SIPA1L3: variants seen among roughly 807,000 people sequenced by gnomAD.
SIPA1L3 encodes the protein signal induced proliferation associated 1 like 3, also known as signal-induced proliferation-associated 1-like protein 3.
In SIPA1L3, 59 loss-of-function variants were observed where a neutral mutation model predicts 150.1. That is an observed-to-expected ratio of 0.39 (90% CI 0.32 to 0.49). The LOEUF is 0.49. Ranked by LOEUF, SIPA1L3 falls within the 20% of genes least tolerant of loss-of-function variation. The probability of loss-of-function intolerance (pLI) is 0.86; values close to 1 mark genes in which losing one functional copy is unlikely to be tolerated. For missense variants in SIPA1L3, 2,211 were observed against 2,489.5 expected, an observed-to-expected ratio of 0.89 and a Z score of 2.38; for synonymous variants, 1,070 against 1,077.6, an observed-to-expected ratio of 0.99 and a Z score of 0.14.
At chr19:37,991,222 A>G (rs1568491846) in intron 1 of SIPA1L3, among the ~76,000 whole-genome samples, 1 of 152,116 alleles carries the variant, frequency 6.6e-6, no homozygotes, top group Non-Finnish European at 1.5e-5. Context: ...ACAGAGCAAG[A>G]CTCTGTCTCA....
Position 37,953,418 on chromosome 19 carries a change from A to C in SIPA1L3, c.-379+46060A>C, listed in dbSNP as rs573002976. Among the ~76,000 whole-genome samples the C allele has an allele frequency of 2.0e-4, 31 of 152,306 alleles. No homozygotes were observed. The East Asian group carries it at 4.6e-3, about 23-fold the overall frequency. On this transcript the variant is annotated intron_variant, in intron 1 of 21. Transcript: ENST00000222345. The stretch of plus-strand genomic sequence containing the variant: ...CTTTGGAAAGAGCTGGATAGAGTTC[A>C]TGACCAATTCGGAACAAAGTCTGCT...
At chr19:37,917,240 T>C (rs1036551263) in intron 1 of SIPA1L3, among the ~76,000 whole-genome samples, 1 of 152,298 alleles carries the variant, frequency 6.6e-6, no homozygotes, top group African/African-American at 2.4e-5. Context: ...TGGCTACATG[T>C]GGCTAATGGC....
At chr19:38,160,829 G>A (rs1972066943) in intron 13 of SIPA1L3, among the ~76,000 whole-genome samples, 1 of 152,230 alleles carries the variant, frequency 6.6e-6, no homozygotes, top group South Asian at 2.1e-4. Flanking sequence ...GAAGGCCACT[G>A]TAGAGGGAAG....
intron 3 of SIPA1L3, among the ~76,000 whole-genome samples, chr19:38,086,613 G>T (rs1057283713): frequency 2.0e-5 from 3 of 152,144 alleles, no homozygotes; most frequent in Admixed American, 1.3e-4. Context: ...AGCCCTAGAG[G>T]CAGAGGTTGC....
chr19:38,109,650 C>T (rs1267062119), intron 7 of SIPA1L3: 2 of 153,210 alleles, frequency 1.3e-5, no homozygotes, highest in Non-Finnish European at 2.9e-5. Context: ...CCTGTGCTCT[C>T]TGGATCTTAC....
chr19:37,963,134 C>G lies in SIPA1L3; in HGVS notation c.-379+55776C>G, dbSNP rs141079600. Among the ~76,000 whole-genome samples, 15 of 152,234 alleles carry G rather than the reference C, an allele frequency of 9.9e-5. No homozygotes were observed. The East Asian group carries it at 2.9e-3, about 29-fold the overall frequency. On this transcript the variant is annotated intron_variant, in intron 1 of 21. Coordinates refer to ENST00000222345, the MANE Select transcript of SIPA1L3 (RefSeq NM_015073.3). ...GTGTCTGTGGGTTGGGGAATATTTTCAAAGTTCAGTTTCTTCCTTTTTTTT... is the reference window on the plus strand; with the variant it reads ...GTGTCTGTGGGTTGGGGAATATTTTGAAAGTTCAGTTTCTTCCTTTTTTTT...
chr19:37,952,550 G>A (rs1390392923), intron 1 of SIPA1L3, among the ~76,000 whole-genome samples: 1 of 152,116 alleles, frequency 6.6e-6, no homozygotes, highest in Non-Finnish European at 1.5e-5. Flanking sequence ...GCAGGCACCT[G>A]TAATCCCAGC....
At chr19:37,919,235 T>G (rs1353169937) in intron 1 of SIPA1L3, among the ~76,000 whole-genome samples, 1 of 152,216 alleles carries the variant, frequency 6.6e-6, no homozygotes, top group Admixed American at 6.5e-5. Flanking sequence ...TGTCCCCAGA[T>G]GGTGCTCACC....
rs1973261087 is a variant in SIPA1L3 at position 38,207,975 on chromosome 19, T to G, written c.*1735T>G. On this transcript the variant is annotated 3_prime_UTR_variant, in exon 22 of 22. Coordinates refer to ENST00000222345, the MANE Select transcript of SIPA1L3 (RefSeq NM_015073.3). Reference sequence around the variant, plus strand: ...TGATGCCATCTTCTCCCCCATCCCCTTCTCTGGGGGGCCCACCCGTCCCCC... The same window carrying G: ...TGATGCCATCTTCTCCCCCATCCCCGTCTCTGGGGGGCCCACCCGTCCCCC... The G allele has an allele frequency of 1.4e-5, 2 of 147,356 alleles. No individual in the cohort carries two copies. The highest frequency in any genetic ancestry group is 2.2e-4 in the South Asian group (1 of 4,586). 9.1% of individuals were successfully genotyped at this position (147,356 alleles called of 1,614,324 possible). A position where few individuals can be genotyped will look rare whatever the true frequency, so the allele number is the denominator to read the frequency against.
rs1555772354 is a variant in SIPA1L3, at chr19:37,973,561, G to GGA, written c.-378-55527_-378-55526insAG. On this transcript the variant is annotated intron_variant, in intron 1 of 21. Coordinates refer to ENST00000222345, the MANE Select transcript of SIPA1L3 (RefSeq NM_015073.3). ...AAAAAAAAAAAAAAAAAAAGCGGGA[G>GGA]GGGGGCGCATCTTGAAGCACTAAAA... 2.2e-4 allele frequency among the ~76,000 whole-genome samples: 32 copies of GGA among 144,348 alleles called. 3 individuals carry two copies. The South Asian group carries it at 4.0e-3, about 18-fold the overall frequency. 94.7% of individuals were successfully genotyped at this position (144,348 alleles called of 152,430 possible).
chr19:38,196,052 G>A (rs1298467447), intron 18 of SIPA1L3, among the ~76,000 whole-genome samples: 4 of 152,074 alleles, frequency 2.6e-5, no homozygotes, highest in Non-Finnish European at 4.4e-5. Context: ...GGAGAGTCCC[G>A]TCTGGCCTCA....
At chr19:37,936,079 G>A (rs991845247) in intron 1 of SIPA1L3, among the ~76,000 whole-genome samples, 2 of 152,112 alleles carry the variant, frequency 1.3e-5, no homozygotes, top group Non-Finnish European at 1.5e-5. Flanking sequence ...CTTGTGATGG[G>A]CAGGCAGAAC....
intron 1 of SIPA1L3, among the ~76,000 whole-genome samples, chr19:37,998,898 G>T (rs1456979720): frequency 6.6e-6 from 1 of 151,984 alleles, no homozygotes; most frequent in Admixed American, 6.6e-5. Context: ...TTGAATCTAG[G>T]TTTGGGTACA....
At chr19:38,141,704 T>A (rs189987194) in intron 11 of SIPA1L3, among the ~76,000 whole-genome samples, 44 of 152,316 alleles carry the variant, frequency 2.9e-4, no homozygotes, top group African/African-American at 1.0e-3. Context: ...CTTTTTAGGC[T>A]GGGCACGGTG....
At chr19:38,043,679 T>C (rs998134440) in intron 2 of SIPA1L3, among the ~76,000 whole-genome samples, 3 of 152,218 alleles carry the variant, frequency 2.0e-5, no homozygotes, top group African/African-American at 7.2e-5. Flanking sequence ...CTGTTGCTAC[T>C]ATTACTAGTT....
intron 15 of SIPA1L3, among the ~76,000 whole-genome samples, chr19:38,167,230 T>TAAAAAAAAAA (rs1685923411): frequency 4.0e-5 from 2 of 50,434 alleles, no homozygotes. Flanking sequence ...AGATTCCATC[T>TAAAAAAAAAA]CAAAAAAAAA....
chr19:38,160,695 C>T (rs1600151921), intron 13 of SIPA1L3, among the ~76,000 whole-genome samples: 2 of 152,324 alleles, frequency 1.3e-5, no homozygotes, highest in Admixed American at 6.5e-5. Context: ...AGCCACCGCA[C>T]CAGGCCTGAC....
intron 1 of SIPA1L3, among the ~76,000 whole-genome samples, chr19:37,994,352 C>A (rs140077931): frequency 7.5e-4 from 114 of 152,264 alleles, no homozygotes; most frequent in African/African-American, 2.6e-3. Context: ...GGATATGGTA[C>A]AAGTGGCGCC....
In SIPA1L3 at chr19:38,153,134, G is replaced by A. The variant is rs73627631; in HGVS notation, c.3661+167G>A. ...TAGAGAGGGCACCTAGGAGAGCAGC[G>A]GAACCAGCAAGCGAGATCCTTATCC... On this transcript the variant is annotated intron_variant, in intron 13 of 21. Transcript: ENST00000222345. Among the ~76,000 whole-genome samples, 1,116 of 152,334 alleles carry A rather than the reference G, an allele frequency of 7.3e-3. 17 individuals are homozygous for A. The highest frequency in any genetic ancestry group is 0.025 in the African/African-American group (1,043 of 41,562).
Sources: gnomAD v4.1 joint callset for allele counts (sites outside exome capture counted in the v4.1 genomes callset) on GRCh38, gnomAD v4.1.1 for gene constraint, MANE v1.5 for transcripts, NCBI Gene and HGNC (gene_info 2026-07-23, HGNC 2026-07-21) for gene names.